ATP10A: variants seen among roughly 807,000 people sequenced by gnomAD.
ATP10A encodes the protein ATPase phospholipid transporting 10A (putative), also known as phospholipid-transporting ATPase VA.
A neutral mutation model predicts 147.8 loss-of-function variants in ATP10A; 111 were observed. The observed-to-expected ratio is 0.75, with a 90% CI of 0.64 to 0.88. The LOEUF (loss-of-function observed/expected upper bound fraction) is 0.88. Among genes scored for constraint, ATP10A ranks in the 40% least tolerant of loss-of-function variants. The pLI is 0.00. For synonymous variants in ATP10A, 875 were observed against 841.6 expected (o/e 1.04, Z -0.69); for missense variants, 1,927 against 1,959.0 (o/e 0.98, Z 0.31).
intron 1 of ATP10A, among the ~76,000 whole-genome samples, chr15:25,836,841 C>G (rs947120131): frequency 6.6e-6 from 1 of 152,172 alleles, no homozygotes; most frequent in African/African-American, 2.4e-5. Flanking sequence ...CCAGCAAGAC[C>G]GTCTATGCAT....
intron 1 of ATP10A, among the ~76,000 whole-genome samples, chr15:25,823,489 A>G (rs1400860489): frequency 6.6e-6 from 1 of 152,246 alleles, no homozygotes; most frequent in East Asian, 1.9e-4. Flanking sequence ...CTGTGGGGTC[A>G]GTGCCCTTAC....
At chr15:25,834,059 T>C (rs1218417922) in intron 1 of ATP10A, among the ~76,000 whole-genome samples, 4 of 152,030 alleles carry the variant, frequency 2.6e-5, no homozygotes, top group African/African-American at 9.7e-5. Flanking sequence ...TGCTATTATA[T>C]GCTATTAACT....
chr15:25,784,035 A>C lies in ATP10A; in HGVS notation c.450-2812T>G, dbSNP rs75803795. ...AAGCTATGATGACTGAGACACTGACATATCTAGCCATGTGCCTACTTCCTT... is the reference window on the plus strand; with the variant it reads ...AAGCTATGATGACTGAGACACTGACCTATCTAGCCATGTGCCTACTTCCTT... On this transcript the variant is annotated intron_variant, in intron 1 of 20. Coordinates refer to ENST00000555815, the MANE Select transcript of ATP10A (RefSeq NM_024490.4). 8.5e-5 allele frequency among the ~76,000 whole-genome samples: 13 copies of C among 152,354 alleles called. No individual in the cohort carries two copies. In the East Asian group the frequency reaches 2.3e-3, roughly 27 times the overall value.
chr15:25,780,100 C>T (rs1332806047), intron 2 of ATP10A, among the ~76,000 whole-genome samples: 5 of 152,266 alleles, frequency 3.3e-5, no homozygotes, highest in Non-Finnish European at 7.3e-5. Context: ...CACCGCCCCA[C>T]TCCCTACAGT....
intron 1 of ATP10A, among the ~76,000 whole-genome samples, chr15:25,828,574 GAAATACTTTGAGATGAACGC>G (rs1038692972): frequency 3.9e-5 from 6 of 152,278 alleles, no homozygotes; most frequent in African/African-American, 1.4e-4. Context: ...CGGAAATTAG[GAAATACTTTGAGATGAACGC>G]AAACAAAAAT....
chr15:25,791,143 C>T (rs529517711), intron 1 of ATP10A, among the ~76,000 whole-genome samples: 22 of 149,818 alleles, frequency 1.5e-4, no homozygotes, highest in African/African-American at 4.2e-4. Flanking sequence ...TGCAGTGGCA[C>T]GATCTCGACT....
Position 25,797,195 on chromosome 15 carries a change from C to T in ATP10A, c.450-15972G>A, listed in dbSNP as rs76274000. 1.4e-3 allele frequency among the ~76,000 whole-genome samples: 215 copies of T among 152,254 alleles called. 2 individuals are homozygous for T. The East Asian group carries it at 0.038, about 27-fold the overall frequency. Reference sequence around the variant, plus strand: ...ATGAATTCAACATTTTTAGGTTCCACGCGTACGGGAGATCATGCAGTGTTT... The same window carrying T: ...ATGAATTCAACATTTTTAGGTTCCATGCGTACGGGAGATCATGCAGTGTTT... On this transcript the variant is annotated intron_variant, in intron 1 of 20. Coordinates refer to ENST00000555815, the MANE Select transcript of ATP10A (RefSeq NM_024490.4).
chr15:25,784,978 G>C (rs977907447), intron 1 of ATP10A, among the ~76,000 whole-genome samples: 3 of 151,846 alleles, frequency 2.0e-5, no homozygotes, highest in Non-Finnish European at 2.9e-5. Flanking sequence ...CCCTACCAGG[G>C]ACAGACCCTG....
intron 3 of ATP10A, among the ~76,000 whole-genome samples, chr15:25,734,880 C>A (rs1457163460): frequency 6.6e-6 from 1 of 152,118 alleles, no homozygotes; most frequent in Non-Finnish European, 1.5e-5. Flanking sequence ...GTGCTGGGCA[C>A]AGGCAGTAAT....
intron 1 of ATP10A, chr15:25,841,583 A>AC (rs1031888919): frequency 3.3e-5 from 1 of 30,382 alleles, no homozygotes; most frequent in Admixed American, 5.8e-4. Context: ...GTGTATGTCT[A>AC]CAAAAAAAAA....
chr15:25,733,655 G>A (rs1887090511), intron 3 of ATP10A, among the ~76,000 whole-genome samples: 1 of 152,218 alleles, frequency 6.6e-6, no homozygotes, highest in Non-Finnish European at 1.5e-5. Flanking sequence ...GGTGGAGATG[G>A]CGAATTATCG....
chr15:25,840,910 T>C lies in ATP10A; in HGVS notation c.449+21738A>G, dbSNP rs372748131. Among the ~76,000 whole-genome samples the C allele has an allele frequency of 1.6e-4, 24 of 152,346 alleles. No homozygotes were observed. In the East Asian group the frequency reaches 3.7e-3, roughly 23 times the overall value. On this transcript the variant is annotated intron_variant, in intron 1 of 20. Transcript: ENST00000555815. ...CCCTGTTTTGTAAAGATGTTGAACA[T>C]CTTTTCATGTGCTTACTTGCCATCT...
rs541681489 is a variant in ATP10A at position 25,740,522 on chromosome 15, G to A, written c.655-4381C>T. ...CCACCGCCTGCACCAGCAAGAAGAC[G>A]TGGAAAACACACACACTCCCGTCTT... On this transcript the variant is annotated intron_variant, in intron 2 of 20. Transcript: ENST00000555815. Among the ~76,000 whole-genome samples the A allele has an allele frequency of 4.7e-4, 72 of 152,332 alleles. 1 individual carries two copies. Among genetic ancestry groups the A allele is most frequent in the African/African-American group, 1.7e-3 (70 of 41,582 alleles).
rs767229589 is a variant in ATP10A, at chr15:25,862,755, C to T, written c.342G>A (p.Pro114=). The T allele has an allele frequency of 6.2e-7, 1 of 1,611,746 alleles. No individual in the cohort carries two copies. The highest frequency in any genetic ancestry group is 8.5e-7 in the Non-Finnish European group (1 of 1,179,072). The part of the protein sequence containing the change: ...NAFQPGLALA[P]VLFILAITAF... Reference sequence around the variant, plus strand: ...CCGTGATGGCCAGGATGAAGAGCACCGGCGCCAGTGCCAGGCCGGGCTGGA... The same window carrying T: ...CCGTGATGGCCAGGATGAAGAGCACTGGCGCCAGTGCCAGGCCGGGCTGGA... Residue 114 remains proline, a synonymous_variant, in exon 1 of 21, where the codon CCG becomes CCA. Transcript: ENST00000555815.
At chr15:25,832,091 C>T (rs1005861981) in intron 1 of ATP10A, among the ~76,000 whole-genome samples, 4 of 152,176 alleles carry the variant, frequency 2.6e-5, no homozygotes, top group Middle Eastern at 3.4e-3. Context: ...GAGAAGACAG[C>T]CATGTGAAGA....
At position 25,681,018 on chromosome 15, in the gene ATP10A, C is replaced by T. The variant is rs144251006; in HGVS notation, c.3549G>A (p.Leu1183=). 6.2e-7 allele frequency: 1 copy of T among 1,614,028 alleles called. No homozygotes were observed. The highest frequency in any genetic ancestry group is 1.7e-5 in the Admixed American group (1 of 60,002). Reference sequence around the variant, plus strand: ...CCAGGTAAGGAATGGAAAAGCAAACCAGGCTCTGGAAGGCGGCGTCGGCCA... The same window carrying T: ...CCAGGTAAGGAATGGAAAAGCAAACTAGGCTCTGGAAGGCGGCGTCGGCCA... The part of the protein sequence containing the change: ...FNMADAAFQS[L]VCFSIPYLAY... The change falls in exon 18 of 21, where the codon CTG becomes CTA. Residue 1183 remains leucine, a synonymous_variant. Transcript: ENST00000555815.
chr15:25,754,045 C>T (rs1888291528), intron 2 of ATP10A, among the ~76,000 whole-genome samples: 1 of 152,194 alleles, frequency 6.6e-6, no homozygotes, highest in Admixed American at 6.5e-5. Context: ...AGCAATCCTC[C>T]TGCATCGGCC....
intron 13 of ATP10A, among the ~76,000 whole-genome samples, chr15:25,696,502 G>C (rs981789199): frequency 6.6e-6 from 1 of 152,248 alleles, no homozygotes; most frequent in Non-Finnish European, 1.5e-5. Flanking sequence ...TCATCCCGTT[G>C]CTCCCACTGA....
intron 1 of ATP10A, among the ~76,000 whole-genome samples, chr15:25,806,248 T>C: frequency 6.6e-6 from 1 of 152,202 alleles, no homozygotes; most frequent in Admixed American, 6.5e-5. Context: ...ATGACGAGAA[T>C]GAAGATCTGT....
Sources: allele counts gnomAD v4.1 joint callset (sites outside exome capture counted in the v4.1 genomes callset), GRCh38; gene constraint gnomAD v4.1.1; transcripts MANE v1.5; gene names NCBI Gene and HGNC (gene_info 2026-07-23, HGNC 2026-07-21).